Variants in MEGF10 observed in about 807,000 individuals in gnomAD.
The protein encoded by MEGF10 is multiple EGF like domains 10, also known as multiple epidermal growth factor-like domains protein 10.
Under a neutral mutation model 147.5 loss-of-function variants are expected in MEGF10, and 86 were observed. The ratio of observed to expected loss-of-function variants is 0.58; its 90% CI spans 0.49 to 0.70. The LOEUF is 0.70. MEGF10 is among the 30% of genes least tolerant of loss of function. The pLI, the probability that MEGF10 is intolerant of heterozygous loss-of-function variation, is 0.00. For missense variants in MEGF10, 1,329 were observed against 1,487.3 expected (o/e 0.89, Z 1.75); for synonymous variants, 478 against 525.5 (o/e 0.91, Z 1.24).
At chr5:127,243,464 A>G in the MEGF10 span, among the ~76,000 whole-genome samples, 1 of 152,354 alleles carries the variant, frequency 6.6e-6, no homozygotes, top group African/African-American at 2.4e-5. Flanking sequence ...TCTGTAAGGA[A>G]GGAAGTTGAG....
intron 12 of MEGF10, 47 bp from the exon 13 acceptor site, chr5:127,422,623 G>T (rs747280029): frequency 6.7e-7 from 1 of 1,483,886 alleles, no homozygotes; most frequent in Non-Finnish European, 9.4e-7. Flanking sequence ...TCTGTTGTGG[G>T]ATTTCCCAGG....
intron 1 of MEGF10, among the ~76,000 whole-genome samples, chr5:127,294,835 T>TAATAATAATTATAATAAA (rs56033520): frequency 1.6e-4 from 23 of 143,138 alleles, no homozygotes; most frequent in African/African-American, 6.0e-4. Flanking sequence ...ATAATAATAA[T>TAATAATAATTATAATAAA]AAATAACTTG....
At chr5:127,368,805 C>A (rs973811585) in intron 4 of MEGF10, among the ~76,000 whole-genome samples, 1 of 151,948 alleles carries the variant, frequency 6.6e-6, no homozygotes, top group Non-Finnish European at 1.5e-5. Flanking sequence ...GTGCATAAAT[C>A]ACATATATTA....
intron 1 of MEGF10, among the ~76,000 whole-genome samples, chr5:127,297,512 A>T (rs1759558355): frequency 6.6e-6 from 1 of 152,122 alleles, no homozygotes; most frequent in African/African-American, 2.4e-5. Flanking sequence ...GAGAGCTGCC[A>T]CAAGAGCTCA....
the MEGF10 span, among the ~76,000 whole-genome samples, chr5:127,252,455 A>C: frequency 6.2e-4 from 94 of 152,020 alleles, no homozygotes; most frequent in African/African-American, 2.2e-3. Flanking sequence ...GATGAAGTAC[A>C]TATAGTTTCA....
Position 127,434,870 on chromosome 5 carries a change from G to A in MEGF10, c.1975+49G>A, listed in dbSNP as rs571395552. 105 of 1,581,462 alleles carry A rather than the reference G, an allele frequency of 6.6e-5. No homozygotes were observed. The Admixed American group carries it at 9.4e-4, about 14-fold the overall frequency. On this transcript the variant is annotated intron_variant, in intron 15 of 24. Transcript: ENST00000503335. ...AGCTGGGTGGTGATGAGCACGCCCC[G>A]GAGAGTCTGTCCTCAGGCCTCCCCT...
At chr5:127,342,700 A>G (rs1016370410) in intron 4 of MEGF10, among the ~76,000 whole-genome samples, 2 of 152,168 alleles carry the variant, frequency 1.3e-5, no homozygotes, top group African/African-American at 4.8e-5. Context: ...TTACATGGGT[A>G]AAAATACATT....
chr5:127,269,873 C>T, the MEGF10 span, among the ~76,000 whole-genome samples: 10 of 152,214 alleles, frequency 6.6e-5, no homozygotes, highest in Non-Finnish European at 4.4e-5. Flanking sequence ...ATCAGACTAA[C>T]AGTGGATCTC....
Position 127,433,563 on chromosome 5 carries a change from A to G in MEGF10, c.1840+54A>G, listed in dbSNP as rs537727108. On this transcript the variant is annotated intron_variant, in intron 14 of 24. Transcript: ENST00000503335. ...ACCTTCCCTTCCCTGGGCACCATGT[A>G]TCGAATAATGATCTCTGTCCCACCT... is the stretch of plus-strand genomic sequence containing the variant. 5 of 1,543,002 alleles carry G rather than the reference A, an allele frequency of 3.2e-6. No homozygotes were observed. In the East Asian group the frequency reaches 6.8e-5, roughly 21 times the overall value.
At chr5:127,384,230 A>G (rs1178246866) in intron 5 of MEGF10, among the ~76,000 whole-genome samples, 2 of 152,236 alleles carry the variant, frequency 1.3e-5, no homozygotes, top group African/African-American at 4.8e-5. Context: ...AATCTTAGCT[A>G]TGGTACATGT....
intron 8 of MEGF10, among the ~76,000 whole-genome samples, chr5:127,405,096 C>T (rs1450725829): frequency 2.1e-5 from 3 of 146,290 alleles, no homozygotes; most frequent in Non-Finnish European, 4.5e-5. Flanking sequence ...TTAAAACAGC[C>T]CTGGAACTTA....
At chr5:127,428,503 C>T (rs147474373) in intron 13 of MEGF10, among the ~76,000 whole-genome samples, 2,236 of 152,226 alleles carry the variant, frequency 0.015, 17 homozygotes, top group Non-Finnish European at 0.023. Context: ...CACTACACTA[C>T]GCTACACTAC....
chr5:127,248,800 T>G, the MEGF10 span, among the ~76,000 whole-genome samples: 1 of 148,296 alleles, frequency 6.7e-6, no homozygotes, highest in African/African-American at 2.5e-5. Context: ...TTCCAAGAAA[T>G]AATAACGAAA....
At chr5:127,230,727 G>A in the MEGF10 span, among the ~76,000 whole-genome samples, 13 of 152,300 alleles carry the variant, frequency 8.5e-5, no homozygotes, top group South Asian at 4.1e-4. Context: ...ACTGAGGCAC[G>A]TGGAATCTGT....
At chr5:127,447,744 A>C (rs1369888265) in intron 21 of MEGF10, 60 bp downstream of exon 21, 1 of 1,605,004 alleles carries the variant, frequency 6.2e-7, no homozygotes, top group Non-Finnish European at 8.5e-7. Context: ...GGGAACCAGC[A>C]TTTATTGAGG....
At chr5:127,393,868 T>G (rs1763803572) in intron 5 of MEGF10, among the ~76,000 whole-genome samples, 1 of 151,968 alleles carries the variant, frequency 6.6e-6, no homozygotes, top group Non-Finnish European at 1.5e-5. Flanking sequence ...GGTGTCTGCC[T>G]GACTGCCCCA....
Position 127,459,557 on chromosome 5 carries a change from G to C in MEGF10, c.*2239G>C, listed in dbSNP as rs1371177070. On this transcript the variant is annotated 3_prime_UTR_variant, in exon 25 of 25. Transcript: ENST00000503335. ...ATTTCCCCATTGTTCTCTAGAGCTA[G>C]GTCAAAAAAACAACTGTTTCTTTTC... 1 of 152,068 alleles carries C rather than the reference G, an allele frequency of 6.6e-6. No homozygotes were observed. Among genetic ancestry groups the C allele is most frequent in the Non-Finnish European group, 1.5e-5 (1 of 67,994 alleles). The allele number at this position is 152,068 out of a possible 1,614,324, so 9.4% of individuals were successfully genotyped here.
At position 127,457,333 on chromosome 5, in the gene MEGF10, T is replaced by A; in HGVS notation, c.*15T>A. The A allele has an allele frequency of 6.2e-7, 1 of 1,609,256 alleles. No individual in the cohort carries two copies. The highest frequency in any genetic ancestry group is 8.5e-7 in the Non-Finnish European group (1 of 1,178,600). ...GCAGTGAATGACACCAAAGGACCGC[T>A]TGGTAGCCACTGGAACCCTTTCCAG... is the stretch of plus-strand genomic sequence containing the variant. On this transcript the variant is annotated 3_prime_UTR_variant, in exon 25 of 25. Coordinates refer to ENST00000503335, the MANE Select transcript of MEGF10 (RefSeq NM_001256545.2).
At chr5:127,391,102 G>GCGCGCACA (rs1426600414) in intron 5 of MEGF10, among the ~76,000 whole-genome samples, 70 of 53,922 alleles carry the variant, frequency 1.3e-3, no homozygotes, top group African/African-American at 2.6e-3. Context: ...GCGCGCGCGC[G>GCGCGCACA]CACACACACA....
Sources: gnomAD v4.1 joint callset for allele counts (sites outside exome capture counted in the v4.1 genomes callset) on GRCh38, gnomAD v4.1.1 for gene constraint, MANE v1.5 for transcripts, NCBI Gene and HGNC (gene_info 2026-07-23, HGNC 2026-07-21) for gene names.